Variants in DPP10 observed in about 807,000 individuals in gnomAD.
The protein encoded by DPP10 is dipeptidyl peptidase like 10.
A neutral mutation model predicts 120.9 loss-of-function variants in DPP10; 33 were observed. The observed-to-expected ratio is 0.27, with a 90% confidence interval of 0.21 to 0.37. DPP10 has a LOEUF of 0.37. DPP10 is among the 10% of genes least tolerant of loss of function. The pLI, the probability that DPP10 is intolerant of heterozygous loss-of-function variation, is 1.00. For synonymous variants in DPP10, 337 were observed against 326.1 expected (o/e 1.03, Z -0.36); for missense variants, 816 against 942.8 (o/e 0.87, Z 1.76).
chr2:114,835,812 TTC>T (rs1216750594), intron 1 of DPP10, among the ~76,000 whole-genome samples: 2 of 152,226 alleles, frequency 1.3e-5, no homozygotes, highest in Non-Finnish European at 2.9e-5. Flanking sequence ...ATTATTGTGT[TTC>T]TAATCTTCTC....
chr2:115,765,973 G>A (rs1325098825), intron 12 of DPP10, among the ~76,000 whole-genome samples: 1 of 152,010 alleles, frequency 6.6e-6, no homozygotes, highest in Non-Finnish European at 1.5e-5. Flanking sequence ...TGTGAATGAA[G>A]CTAAAATCAA....
intron 1 of DPP10, among the ~76,000 whole-genome samples, chr2:114,729,500 C>T (rs1676678671): frequency 6.6e-6 from 1 of 152,186 alleles, no homozygotes; most frequent in African/African-American, 2.4e-5. Flanking sequence ...AGGCCCTGGC[C>T]AAATTTCTTT....
At chr2:115,183,202 TTTGTACTCCAAAATGAA>T (rs1297882639) in intron 1 of DPP10, among the ~76,000 whole-genome samples, 1 of 152,170 alleles carries the variant, frequency 6.6e-6, no homozygotes, top group African/African-American at 2.4e-5. Flanking sequence ...ATGTGATGGT[TTTGTACTCCAAAATGAA>T]CATGAGAATG....
chr2:115,267,923 G>T (rs1013876117), intron 1 of DPP10, among the ~76,000 whole-genome samples: 1 of 152,084 alleles, frequency 6.6e-6, no homozygotes, highest in Non-Finnish European at 1.5e-5. Context: ...GTAGGTTAAG[G>T]CCTATGTCTG....
chr2:114,712,927 CACTT>C (rs1701118284), intron 1 of DPP10, among the ~76,000 whole-genome samples: 2 of 151,588 alleles, frequency 1.3e-5, no homozygotes, highest in South Asian at 4.1e-4. Context: ...AGTACAATAA[CACTT>C]AAGCAGATAC....
intron 1 of DPP10, among the ~76,000 whole-genome samples, chr2:114,832,309 G>A (rs1307765489): frequency 5.3e-5 from 8 of 152,268 alleles, no homozygotes; most frequent in East Asian, 1.9e-4. Flanking sequence ...CGAGGCAGGT[G>A]GATCAGGAGG....
intron 1 of DPP10, among the ~76,000 whole-genome samples, chr2:114,734,247 A>G (rs1458846930): frequency 6.6e-6 from 1 of 152,080 alleles, no homozygotes; most frequent in Non-Finnish European, 1.5e-5. Flanking sequence ...ATAATCAACT[A>G]AGAGTCAGGC....
intron 1 of DPP10, among the ~76,000 whole-genome samples, chr2:115,294,335 A>T (rs1292909967): frequency 6.6e-6 from 1 of 152,136 alleles, no homozygotes; most frequent in African/African-American, 2.4e-5. Flanking sequence ...TTGAAATTCT[A>T]ATGCATATCA....
At position 114,810,992 on chromosome 2, in the gene DPP10, C is replaced by T. The variant is rs74431505; in HGVS notation, c.60+368154C>T. ...ATTTTACAGCCAAAATGATTGTCAC[C>T]ACCTGTTATATCTTTCTCATCTCTG... is the stretch of plus-strand genomic sequence containing the variant. On this transcript the variant is annotated intron_variant, in intron 1 of 25. Coordinates refer to ENST00000410059, the MANE Select transcript of DPP10 (RefSeq NM_020868.6). Among the ~76,000 whole-genome samples the T allele has an allele frequency of 6.1e-3, 922 of 152,230 alleles. 16 individuals are homozygous for T. The highest frequency in any genetic ancestry group is 0.021 in the African/African-American group (884 of 41,544).
chr2:114,983,031 C>A (rs1396898421), intron 1 of DPP10, among the ~76,000 whole-genome samples: 3 of 152,052 alleles, frequency 2.0e-5, no homozygotes, highest in Non-Finnish European at 4.4e-5. Flanking sequence ...AAATCAAAAC[C>A]CATTTTCTTT....
intron 1 of DPP10, among the ~76,000 whole-genome samples, chr2:114,832,870 A>T (rs1181547229): frequency 6.6e-6 from 1 of 152,206 alleles, no homozygotes; most frequent in African/African-American, 2.4e-5. Flanking sequence ...TAAAAAAAAA[A>T]ATTTAAGTAC....
chr2:114,907,752 G>C (rs1694080842), intron 1 of DPP10, among the ~76,000 whole-genome samples: 1 of 152,058 alleles, frequency 6.6e-6, no homozygotes, highest in Non-Finnish European at 1.5e-5. Context: ...CACTTGAGAG[G>C]AAAGTGCATT....
At chr2:115,774,529 C>A (rs1213224870) in intron 13 of DPP10, among the ~76,000 whole-genome samples, 1 of 152,036 alleles carries the variant, frequency 6.6e-6, no homozygotes, top group African/African-American at 2.4e-5. Flanking sequence ...TCTGTGCCAG[C>A]CTTTGGGTTA....
intron 3 of DPP10, among the ~76,000 whole-genome samples, chr2:115,375,375 C>T (rs551035183): frequency 2.6e-5 from 4 of 152,302 alleles, no homozygotes; most frequent in Admixed American, 6.5e-5. Flanking sequence ...TTCCTCATTT[C>T]CACCTGAGAT....
intron 1 of DPP10, among the ~76,000 whole-genome samples, chr2:114,547,233 G>T (rs564128442): frequency 6.6e-6 from 1 of 152,200 alleles, no homozygotes; most frequent in South Asian, 2.1e-4. Flanking sequence ...GCCCTGGGTC[G>T]CTGGCCTTCT....
chr2:115,750,070 TAAGA>T, intron 10 of DPP10: 1 of 985,356 alleles, frequency 1.0e-6, no homozygotes, highest in Non-Finnish European at 1.2e-6. Flanking sequence ...AACCCAGTTA[TAAGA>T]AAGGGACACT....
At chr2:114,647,546 C>T (rs1441861153) in intron 1 of DPP10, among the ~76,000 whole-genome samples, 1 of 151,844 alleles carries the variant, frequency 6.6e-6, no homozygotes, top group Non-Finnish European at 1.5e-5. Flanking sequence ...GGGTTCTACA[C>T]CTGTAATGAA....
chr2:114,690,911 A>G (rs1573976109), intron 1 of DPP10, among the ~76,000 whole-genome samples: 1 of 151,970 alleles, frequency 6.6e-6, no homozygotes, highest in Non-Finnish European at 1.5e-5. Flanking sequence ...TTTTGCACAT[A>G]GATTTTGTAT....
At chr2:114,868,429 G>T (rs1690411938) in intron 1 of DPP10, among the ~76,000 whole-genome samples, 1 of 152,152 alleles carries the variant, frequency 6.6e-6, no homozygotes, top group Non-Finnish European at 1.5e-5. Flanking sequence ...GTGTTCATTT[G>T]TAGTTATTCC....
Sources: gnomAD v4.1 joint callset for allele counts (sites outside exome capture counted in the v4.1 genomes callset) on GRCh38, gnomAD v4.1.1 for gene constraint, MANE v1.5 for transcripts, NCBI Gene and HGNC (gene_info 2026-07-23, HGNC 2026-07-21) for gene names.